Variants in ST7 observed in about 807,000 individuals in gnomAD.
ST7 encodes suppressor of tumorigenicity 7 protein.
ST7 carries 28 observed loss-of-function variants against 78.7 expected under a neutral mutation model. That is an observed-to-expected ratio of 0.36 (90% CI 0.26 to 0.49). ST7 has a LOEUF of 0.49. Among genes scored for constraint, ST7 ranks in the 20% least tolerant of loss-of-function variants. ST7 has a pLI of 0.99. For synonymous variants in ST7, 247 were observed against 249.6 expected (o/e 0.99, Z 0.10); for missense variants, 418 against 696.0 (o/e 0.60, Z 4.49).
intron 1 of ST7, among the ~76,000 whole-genome samples, chr7:117,081,921 G>A (rs1375652234): frequency 6.6e-6 from 1 of 150,790 alleles, no homozygotes; most frequent in East Asian, 2.0e-4. Context: ...GAGGCAATGA[G>A]TTGGGTTCCA....
chr7:117,090,050 T>A (rs902653795), intron 1 of ST7, among the ~76,000 whole-genome samples: 2 of 152,212 alleles, frequency 1.3e-5, no homozygotes, highest in African/African-American at 4.8e-5. Context: ...TTTAAAAGTG[T>A]CTGGTTTAAT....
At chr7:117,221,874 A>C (rs1793118874) in intron 14 of ST7, 49 bp from the exon 15 acceptor site, 1 of 1,543,194 alleles carries the variant, frequency 6.5e-7, no homozygotes, top group African/African-American at 1.4e-5. Flanking sequence ...CTCCCCTGAG[A>C]GTGCAGTTTA....
At chr7:117,096,924 T>C (rs1054780820) in intron 1 of ST7, among the ~76,000 whole-genome samples, 13 of 152,212 alleles carry the variant, frequency 8.5e-5, no homozygotes, top group African/African-American at 3.1e-4. Flanking sequence ...TTATGTGAAG[T>C]CTGCCACCTT....
intron 1 of ST7, among the ~76,000 whole-genome samples, chr7:117,008,166 A>G (rs529601126): frequency 5.9e-5 from 9 of 152,332 alleles, no homozygotes; most frequent in South Asian, 4.1e-4. Flanking sequence ...TTAATGAGGT[A>G]GGTATCATGA....
At chr7:117,132,419 C>T (rs945596884) in intron 6 of ST7, among the ~76,000 whole-genome samples, 2 of 151,614 alleles carry the variant, frequency 1.3e-5, no homozygotes, top group Non-Finnish European at 3.0e-5. Flanking sequence ...AGAGGAAATG[C>T]TGTCTTGAGT....
At chr7:117,109,639 C>T (rs2116873038) in intron 2 of ST7, among the ~76,000 whole-genome samples, 1 of 152,250 alleles carries the variant, frequency 6.6e-6, no homozygotes, top group Non-Finnish European at 1.5e-5. Context: ...GGTACCAATC[C>T]TATTGACCCT....
At chr7:117,184,757 T>C (rs1028523327) in intron 10 of ST7, among the ~76,000 whole-genome samples, 3 of 152,204 alleles carry the variant, frequency 2.0e-5, no homozygotes, top group African/African-American at 7.2e-5. Context: ...ACACTTGATT[T>C]TATGTAAAAA....
chr7:117,060,705 G>A (rs1033028508), intron 1 of ST7, among the ~76,000 whole-genome samples: 1 of 151,980 alleles, frequency 6.6e-6, no homozygotes, highest in African/African-American at 2.4e-5. Context: ...ATAAAATAAT[G>A]TTTAATATAA....
intron 11 of ST7, among the ~76,000 whole-genome samples, chr7:117,189,954 A>G (rs1419385568): frequency 1.3e-5 from 2 of 152,234 alleles, no homozygotes; most frequent in Non-Finnish European, 2.9e-5. Context: ...ATGAAAGAGC[A>G]TAGATGGCTT....
At chr7:117,153,747 G>A (rs766771141) in intron 9 of ST7, among the ~76,000 whole-genome samples, 7 of 152,182 alleles carry the variant, frequency 4.6e-5, no homozygotes, top group Admixed American at 2.6e-4. Context: ...GCAAAAGCAA[G>A]ATCAGTAGAA....
chr7:117,031,836 A>G (rs1399983317), intron 1 of ST7, among the ~76,000 whole-genome samples: 2 of 121,504 alleles, frequency 1.6e-5, no homozygotes, highest in African/African-American at 6.2e-5. Context: ...ATCTATATCT[A>G]TATCTATATC....
Position 117,120,165 on chromosome 7 carries a change from AGT to A in ST7, c.394+446_394+447del, listed in dbSNP as rs1584716575. ...GACTGGTCTCAAACTCCTGGGCTCA[AGT>A]AATCTGCCCGCCTTGGCCTCCCAAA... is the stretch of plus-strand genomic sequence containing the variant. On this transcript the variant is annotated intron_variant, in intron 3 of 15. Coordinates refer to ENST00000323984, the MANE Select transcript of ST7 (RefSeq NM_001369598.1). Among the ~76,000 whole-genome samples, 3 of 152,228 alleles carry A rather than the reference AGT, an allele frequency of 2.0e-5. No individual in the cohort carries two copies. In the East Asian group the frequency reaches 5.8e-4, roughly 29 times the overall value.
At chr7:117,107,504 C>T (rs2116858901) in intron 2 of ST7, among the ~76,000 whole-genome samples, 1 of 151,744 alleles carries the variant, frequency 6.6e-6, no homozygotes, top group Middle Eastern at 3.4e-3. Context: ...ATTTGCATTT[C>T]CCTGATCATT....
At chr7:117,060,731 C>A (rs958510063) in intron 1 of ST7, among the ~76,000 whole-genome samples, 1 of 152,088 alleles carries the variant, frequency 6.6e-6, no homozygotes, top group East Asian at 1.9e-4. Flanking sequence ...CCTGGCCAGG[C>A]GTAGTGGCTT....
At chr7:117,017,487 C>T (rs1427459306) in intron 1 of ST7, among the ~76,000 whole-genome samples, 3 of 152,146 alleles carry the variant, frequency 2.0e-5, no homozygotes, top group African/African-American at 4.8e-5. Context: ...TGAATGTTTT[C>T]CTTCCTTTCG....
chr7:117,218,998 T>C, intron 13 of ST7, 86 bp from the exon 14 acceptor site: 2 of 1,044,726 alleles, frequency 1.9e-6, no homozygotes, highest in Non-Finnish European at 2.9e-6. Context: ...TTCCCTGTTA[T>C]AAAAATGCTC....
intron 1 of ST7, among the ~76,000 whole-genome samples, chr7:117,097,908 A>ATTTTTTTTTTTTT (rs751549285): frequency 6.7e-5 from 2 of 30,010 alleles, no homozygotes; most frequent in African/African-American, 3.2e-4. Flanking sequence ...ATATATATAT[A>ATTTTTTTTTTTTT]TTTTTTTTTT....
At chr7:117,060,540 C>A (rs1048344427) in intron 1 of ST7, among the ~76,000 whole-genome samples, 26 of 152,178 alleles carry the variant, frequency 1.7e-4, no homozygotes, top group African/African-American at 6.3e-4. Context: ...TAGAATAGAA[C>A]CCACAGTGTG....
chr7:117,088,688 A>G (rs994158149), intron 1 of ST7, among the ~76,000 whole-genome samples: 9 of 152,204 alleles, frequency 5.9e-5, no homozygotes, highest in Non-Finnish European at 1.3e-4. Context: ...GGAAGAGTAA[A>G]TGAGAAGCTA....
Sources: allele counts gnomAD v4.1 joint callset (sites outside exome capture counted in the v4.1 genomes callset), GRCh38; gene constraint gnomAD v4.1.1; transcripts MANE v1.5; gene names NCBI Gene and HGNC (gene_info 2026-07-23, HGNC 2026-07-21).